GPC6: variants seen among roughly 807,000 people sequenced by gnomAD.
GPC6 encodes glypican 6.
GPC6 carries 14 observed loss-of-function variants against 55.2 expected under a neutral mutation model. The ratio of observed to expected loss-of-function variants is 0.25; its 90% CI spans 0.17 to 0.40. The LOEUF (loss-of-function observed/expected upper bound fraction) is 0.40. GPC6 is among the 10% of genes least tolerant of loss of function. The pLI, the probability that GPC6 is intolerant of heterozygous loss-of-function variation, is 1.00. For synonymous variants in GPC6, 278 were observed against 259.6 expected (o/e 1.07, Z -0.68); for missense variants, 641 against 708.5 (o/e 0.90, Z 1.08).
chr13:93,641,188 T>C (rs1566463938), intron 2 of GPC6, among the ~76,000 whole-genome samples: 1 of 151,994 alleles, frequency 6.6e-6, no homozygotes, highest in Non-Finnish European at 1.5e-5. Context: ...AAAAAAATAG[T>C]ATCCCCTTGC....
At chr13:94,072,587 C>G (rs1020677534) in intron 4 of GPC6, among the ~76,000 whole-genome samples, 2 of 152,208 alleles carry the variant, frequency 1.3e-5, no homozygotes, top group African/African-American at 2.4e-5. Flanking sequence ...CTCCTGACCT[C>G]GTGATCTGCC....
chr13:93,430,346 A>G (rs1337366382), intron 1 of GPC6, among the ~76,000 whole-genome samples: 1 of 152,102 alleles, frequency 6.6e-6, no homozygotes, highest in East Asian at 1.9e-4. Context: ...TTAGCATGAT[A>G]TTAGTTTTGA....
In GPC6 at chr13:93,750,192, A is replaced by G. The variant is rs182227124; in HGVS notation, c.320-79962A>G. ...GTAAAGACAAAGGAGGGCAAAAGGA[A>G]TAAGCGATCAGGGAGAAAGTAGTAG... On this transcript the variant is annotated intron_variant, in intron 2 of 8. Coordinates refer to ENST00000377047, the MANE Select transcript of GPC6 (RefSeq NM_005708.5). Among the ~76,000 whole-genome samples, 266 of 152,340 alleles carry G rather than the reference A, an allele frequency of 1.7e-3. 1 individual carries two copies. Among genetic ancestry groups the G allele is most frequent in the Middle Eastern group, 3.4e-3 (1 of 294 alleles).
At chr13:93,388,893 G>A (rs1469599946) in intron 1 of GPC6, among the ~76,000 whole-genome samples, 8 of 152,168 alleles carry the variant, frequency 5.3e-5, no homozygotes, top group Admixed American at 5.2e-4. Context: ...TTATGAGTGT[G>A]TGAGTGAGTC....
chr13:94,332,196 CTTTTTTGGCTTTGGTTTCT>C (rs1555321015), intron 6 of GPC6, among the ~76,000 whole-genome samples: 1 of 151,972 alleles, frequency 6.6e-6, no homozygotes, highest in Non-Finnish European at 1.5e-5. Context: ...TTTTCTCATC[CTTTTTTGGCTTTGGTTTCT>C]TCCAATAAGT....
chr13:93,886,757 T>TG (rs1398472043), intron 3 of GPC6, among the ~76,000 whole-genome samples: 8 of 148,666 alleles, frequency 5.4e-5, no homozygotes, highest in African/African-American at 1.5e-4. Flanking sequence ...TCATTTTTTT[T>TG]TTGTTTTTTT....
chr13:93,854,783 T>G (rs1888538066), intron 3 of GPC6, among the ~76,000 whole-genome samples: 1 of 151,788 alleles, frequency 6.6e-6, no homozygotes, highest in Non-Finnish European at 1.5e-5. Context: ...TGAACTTTCT[T>G]TTATTGAATA....
chr13:93,754,609 A>G (rs1235485561), intron 2 of GPC6, among the ~76,000 whole-genome samples: 1 of 152,154 alleles, frequency 6.6e-6, no homozygotes, highest in Non-Finnish European at 1.5e-5. Flanking sequence ...ACTTAGAATC[A>G]GAGTACCAGT....
chr13:93,560,334 A>C (rs4529994), intron 2 of GPC6, among the ~76,000 whole-genome samples: 122,537 of 147,670 alleles, frequency 0.83, 50,954 homozygotes, highest in East Asian at 0.92. Flanking sequence ...ACAGCGAAAC[A>C]GTATCTCTAC....
At chr13:93,523,044 C>T (rs1308947887) in intron 1 of GPC6, among the ~76,000 whole-genome samples, 1 of 148,342 alleles carries the variant, frequency 6.7e-6, no homozygotes, top group East Asian at 2.0e-4. Context: ...AATACATACA[C>T]ACACACACAT....
chr13:94,149,779 C>G (rs1295736413), intron 4 of GPC6, among the ~76,000 whole-genome samples: 2 of 151,968 alleles, frequency 1.3e-5, no homozygotes, highest in Non-Finnish European at 1.5e-5. Flanking sequence ...GTTGGCCAAA[C>G]CTGCAGAAGC....
chr13:93,222,438 A>T (rs1460313522), upstream of GPC6, among the ~76,000 whole-genome samples: 2 of 152,126 alleles, frequency 1.3e-5, no homozygotes, highest in African/African-American at 4.8e-5. Flanking sequence ...CATTCTAATC[A>T]GTTTTACCTG....
intron 2 of GPC6, among the ~76,000 whole-genome samples, chr13:93,665,661 C>G (rs1881100354): frequency 6.6e-6 from 1 of 151,994 alleles, no homozygotes; most frequent in African/African-American, 2.4e-5. Context: ...AAAGCTGTTG[C>G]TAAGAGAAAA....
chr13:94,091,902 G>GTGTT (rs1156954648), intron 4 of GPC6, among the ~76,000 whole-genome samples: 3 of 47,636 alleles, frequency 6.3e-5, no homozygotes, highest in East Asian at 6.3e-4. Context: ...TTCTGTGTGT[G>GTGTT]TGTGTTTGTG....
chr13:93,919,765 C>T (rs1877477910), intron 3 of GPC6, among the ~76,000 whole-genome samples: 1 of 152,196 alleles, frequency 6.6e-6, no homozygotes. Context: ...CCTGTTTCAT[C>T]TCATTTCTGT....
chr13:93,523,700 CA>C (rs1881538056), intron 1 of GPC6, among the ~76,000 whole-genome samples: 1 of 152,026 alleles, frequency 6.6e-6, no homozygotes, highest in Non-Finnish European at 1.5e-5. Context: ...TCCCCCAAAT[CA>C]AAAGTCTTGA....
chr13:93,724,192 A>G (rs1883548156), intron 2 of GPC6, among the ~76,000 whole-genome samples: 1 of 151,924 alleles, frequency 6.6e-6, no homozygotes, highest in South Asian at 2.1e-4. Context: ...TTTCCCATGT[A>G]GGGACAGCAG....
intron 1 of GPC6, among the ~76,000 whole-genome samples, chr13:93,468,538 G>A (rs1878996777): frequency 6.8e-6 from 1 of 147,774 alleles, no homozygotes; most frequent in Admixed American, 6.7e-5. Context: ...ATATTTTTAA[G>A]AGTTAATTAG....
intron 4 of GPC6, among the ~76,000 whole-genome samples, chr13:94,278,362 T>C (rs1173254413): frequency 6.6e-6 from 1 of 152,170 alleles, no homozygotes; most frequent in Non-Finnish European, 1.5e-5. Flanking sequence ...TTTCTAAGTA[T>C]AGAATCATGT....
Sources: allele counts gnomAD v4.1 joint callset (sites outside exome capture counted in the v4.1 genomes callset), GRCh38; gene constraint gnomAD v4.1.1; transcripts MANE v1.5; gene names NCBI Gene and HGNC (gene_info 2026-07-23, HGNC 2026-07-21).